The following LRBA variants were observed in gnomAD, a reference collection of about 807,000 sequenced individuals.
LRBA encodes LPS responsive beige-like anchor protein, also known as lipopolysaccharide-responsive and beige-like anchor protein.
A neutral mutation model predicts 330.0 loss-of-function variants in LRBA; 176 were observed. The ratio of observed to expected loss-of-function variants is 0.53; its 90% CI spans 0.47 to 0.60. LRBA has a LOEUF of 0.60. Ranked by LOEUF, LRBA falls within the 20% of genes least tolerant of loss-of-function variation. The pLI is 0.00. For synonymous variants in LRBA, 1,230 were observed against 1,193.0 expected (o/e 1.03, Z -0.64); for missense variants, 3,259 against 3,444.8 (o/e 0.95, Z 1.35).
chr4:150,937,774 A>T (rs1043650589), intron 2 of LRBA, among the ~76,000 whole-genome samples: 1 of 152,182 alleles, frequency 6.6e-6, no homozygotes, highest in Admixed American at 6.5e-5. Flanking sequence ...ATAAACCTTT[A>T]TAAGTTTTGT....
chr4:150,403,959 A>C (rs1581216516), intron 47 of LRBA, among the ~76,000 whole-genome samples: 1 of 152,090 alleles, frequency 6.6e-6, no homozygotes, highest in South Asian at 2.1e-4. Flanking sequence ...TTGAACCTGG[A>C]AGGCAGAGGT....
At chr4:150,509,339 A>C (rs1761549267) in intron 40 of LRBA, among the ~76,000 whole-genome samples, 1 of 152,100 alleles carries the variant, frequency 6.6e-6, no homozygotes, top group African/African-American at 2.4e-5. Flanking sequence ...GGAAATTAGC[A>C]AGTATTTAAA....
intron 46 of LRBA, among the ~76,000 whole-genome samples, chr4:150,420,376 TAC>T (rs1331092160): frequency 1.5e-5 from 2 of 133,316 alleles, no homozygotes; most frequent in African/African-American, 5.9e-5. Context: ...GTATATATAA[TAC>T]ACATTATAGT....
intron 48 of LRBA, among the ~76,000 whole-genome samples, chr4:150,349,034 T>C (rs1736785033): frequency 6.6e-6 from 1 of 152,218 alleles, no homozygotes. Context: ...AACATAGCAA[T>C]TTAAAACTTG....
chr4:150,290,705 G>A (rs1728172360), intron 53 of LRBA, among the ~76,000 whole-genome samples: 1 of 152,122 alleles, frequency 6.6e-6, no homozygotes, highest in African/African-American at 2.4e-5. Flanking sequence ...ACCAAAGGCT[G>A]AAAAGGATAC....
intron 22 of LRBA, among the ~76,000 whole-genome samples, chr4:150,855,734 G>A (rs565133287): frequency 6.6e-6 from 1 of 152,228 alleles, no homozygotes; most frequent in Non-Finnish European, 1.5e-5. Flanking sequence ...TTACCTGGAG[G>A]TCAGAGCTTT....
chr4:150,285,223 C>T (rs1244865427), intron 54 of LRBA, among the ~76,000 whole-genome samples: 1 of 152,178 alleles, frequency 6.6e-6, no homozygotes, highest in Non-Finnish European at 1.5e-5. Context: ...AGATATAATA[C>T]TTTGTTGTGT....
intron 40 of LRBA, among the ~76,000 whole-genome samples, chr4:150,559,455 G>T (rs1767769666): frequency 1.4e-5 from 2 of 147,958 alleles, no homozygotes; most frequent in Middle Eastern, 6.9e-3. Flanking sequence ...CAGCTACTCA[G>T]GAGGTTGAGG....
intron 47 of LRBA, among the ~76,000 whole-genome samples, chr4:150,402,797 A>G (rs11946480): frequency 0.3 from 33,112 of 110,756 alleles, 4,433 homozygotes; most frequent in Non-Finnish European, 0.42. Flanking sequence ...CTCTATATAT[A>G]TAAATATAAA....
intron 34 of LRBA, among the ~76,000 whole-genome samples, chr4:150,791,517 A>T (rs1366129381): frequency 6.6e-6 from 1 of 152,214 alleles, no homozygotes; most frequent in African/African-American, 2.4e-5. Context: ...TTTGCTAAAT[A>T]AATGAATAAA....
At chr4:150,275,860 A>G (rs1746692736) in intron 56 of LRBA, among the ~76,000 whole-genome samples, 1 of 152,226 alleles carries the variant, frequency 6.6e-6, no homozygotes, top group South Asian at 2.1e-4. Context: ...GCCCAAAGTA[A>G]TTTATAGAGT....
At chr4:150,529,741 A>T (rs573332087) in intron 40 of LRBA, among the ~76,000 whole-genome samples, 12 of 152,068 alleles carry the variant, frequency 7.9e-5, no homozygotes, top group East Asian at 1.9e-4. Flanking sequence ...AAGAAAAAAA[A>T]AATAATAACC....
intron 2 of LRBA, among the ~76,000 whole-genome samples, chr4:151,005,628 G>T (rs1185171136): frequency 1.7e-5 from 2 of 121,056 alleles, no homozygotes; most frequent in African/African-American, 7.0e-5. Flanking sequence ...TTTTGGAGAC[G>T]TAATCTCATT....
intron 37 of LRBA, among the ~76,000 whole-genome samples, chr4:150,668,787 G>A (rs1268838666): frequency 6.6e-6 from 1 of 152,124 alleles, no homozygotes; most frequent in African/African-American, 2.4e-5. Context: ...TGATGTGAGG[G>A]GCATGGCGGG....
chr4:150,353,987 A>G (rs1737502888), intron 47 of LRBA, among the ~76,000 whole-genome samples: 1 of 152,160 alleles, frequency 6.6e-6, no homozygotes, highest in Non-Finnish European at 1.5e-5. Flanking sequence ...TTTCAGTACA[A>G]AGTCAGCTCC....
chr4:150,973,766 G>A (rs907482505), intron 2 of LRBA, among the ~76,000 whole-genome samples: 1 of 152,156 alleles, frequency 6.6e-6, no homozygotes, highest in African/African-American at 2.4e-5. Context: ...GCTGAAGCGA[G>A]AAGATCACTT....
At chr4:150,476,408 T>C (rs530196535) in intron 42 of LRBA, among the ~76,000 whole-genome samples, 99 of 152,108 alleles carry the variant, frequency 6.5e-4, no homozygotes, top group Admixed American at 3.1e-3. Flanking sequence ...CATGGCAGAA[T>C]GTGTGAGGAC....
At chr4:150,452,494 C>T (rs1753471970) in intron 44 of LRBA, among the ~76,000 whole-genome samples, 1 of 151,848 alleles carries the variant, frequency 6.6e-6, no homozygotes, top group African/African-American at 2.4e-5. Context: ...CGGTGGTGTG[C>T]ACCTATAGTG....
chr4:150,786,082 G>A (rs1739014187), intron 34 of LRBA, among the ~76,000 whole-genome samples: 1 of 152,144 alleles, frequency 6.6e-6, no homozygotes, highest in African/African-American at 2.4e-5. Context: ...CAGGTTAGGA[G>A]GATGAGAAGT....
Sources: allele counts gnomAD v4.1 joint callset (sites outside exome capture counted in the v4.1 genomes callset), GRCh38; gene constraint gnomAD v4.1.1; transcripts MANE v1.5; gene names NCBI Gene and HGNC (gene_info 2026-07-23, HGNC 2026-07-21).